ULK4: variants seen among roughly 807,000 people sequenced by gnomAD.
ULK4 encodes inactive serine/threonine-protein kinase ULK4.
Under a neutral mutation model 160.6 loss-of-function variants are expected in ULK4, and 133 were observed. That is an observed-to-expected ratio of 0.83 (90% CI 0.72 to 0.96). The LOEUF is 0.96. Ranked by LOEUF, ULK4 falls within the 40% of genes least tolerant of loss-of-function variation. The pLI is 0.00. For missense variants in ULK4, 1,580 were observed against 1,499.5 expected, an observed-to-expected ratio of 1.05 and a Z score of -0.89; for synonymous variants, 534 against 539.8, an observed-to-expected ratio of 0.99 and a Z score of 0.15.
intron 31 of ULK4, among the ~76,000 whole-genome samples, chr3:41,597,289 C>T (rs1379112774): frequency 6.6e-6 from 1 of 152,174 alleles, no homozygotes; most frequent in Non-Finnish European, 1.5e-5. Flanking sequence ...CTCCAGGAAA[C>T]AACATGGCTC....
At chr3:41,806,807 T>C (rs2040656858) in intron 19 of ULK4, among the ~76,000 whole-genome samples, 1 of 152,194 alleles carries the variant, frequency 6.6e-6, no homozygotes. Context: ...ATTTTAAATT[T>C]CTGCTCATAA....
chr3:41,327,171 T>C (rs1193329583), intron 35 of ULK4, among the ~76,000 whole-genome samples: 4 of 152,204 alleles, frequency 2.6e-5, no homozygotes, highest in Non-Finnish European at 5.9e-5. Flanking sequence ...CCCCGGCTTC[T>C]AGGAGGGGGA....
intron 32 of ULK4, among the ~76,000 whole-genome samples, chr3:41,517,399 G>C (rs1216540378): frequency 6.6e-6 from 1 of 152,120 alleles, no homozygotes; most frequent in East Asian, 1.9e-4. Context: ...CCTTATTAAA[G>C]GGCTTGAGGG....
intron 32 of ULK4, among the ~76,000 whole-genome samples, chr3:41,470,044 A>AAAAAC (rs1415943037): frequency 1.7e-5 from 2 of 116,688 alleles, no homozygotes; most frequent in African/African-American, 7.1e-5. Context: ...AAAAAAAAAA[A>AAAAAC]AACAAAGTAT....
intron 18 of ULK4, among the ~76,000 whole-genome samples, chr3:41,820,201 G>A (rs1332454025): frequency 6.6e-6 from 1 of 152,112 alleles, no homozygotes; most frequent in Non-Finnish European, 1.5e-5. Context: ...TTGTCCAAAT[G>A]ACAGAATTAG....
chr3:41,894,888 C>A (rs536122590), intron 16 of ULK4, among the ~76,000 whole-genome samples: 28 of 152,280 alleles, frequency 1.8e-4, no homozygotes, highest in African/African-American at 6.5e-4. Context: ...CCTTCTAACA[C>A]TTGATCTACT....
intron 35 of ULK4, among the ~76,000 whole-genome samples, chr3:41,268,330 T>G (rs892327542): frequency 1.3e-5 from 2 of 152,192 alleles, no homozygotes; most frequent in African/African-American, 2.4e-5. Flanking sequence ...CAAACCCTTC[T>G]TTTCCTCTCT....
chr3:41,555,058 C>T (rs1405250570), intron 32 of ULK4, among the ~76,000 whole-genome samples: 1 of 151,872 alleles, frequency 6.6e-6, no homozygotes, highest in Non-Finnish European at 1.5e-5. Flanking sequence ...AAGCATCATA[C>T]TCAATGACCA....
chr3:41,406,507 G>A (rs1163004132), intron 34 of ULK4, among the ~76,000 whole-genome samples: 1 of 152,194 alleles, frequency 6.6e-6, no homozygotes, highest in Non-Finnish European at 1.5e-5. Context: ...TGTGAAAAAT[G>A]TCGGTAGCTT....
At chr3:41,343,295 CTTTTTTTTTTT>C (rs55691966) in intron 35 of ULK4, among the ~76,000 whole-genome samples, 5 of 85,334 alleles carry the variant, frequency 5.9e-5, no homozygotes, top group South Asian at 4.2e-4. Context: ...AGCCCAAAAA[CTTTTTTTTTTT>C]TTTTTTTTTT....
chr3:41,276,350 T>C (rs1333914266), intron 35 of ULK4, among the ~76,000 whole-genome samples: 1 of 152,198 alleles, frequency 6.6e-6, no homozygotes, highest in African/African-American at 2.4e-5. Flanking sequence ...ACCTTTCACT[T>C]CAGATCTTGA....
intron 30 of ULK4, among the ~76,000 whole-genome samples, chr3:41,619,340 T>C (rs995959666): frequency 3.9e-5 from 6 of 152,116 alleles, no homozygotes; most frequent in African/African-American, 1.2e-4. Flanking sequence ...CAGTGCCACA[T>C]AGCATGTATT....
chr3:41,345,696 C>A (rs1438009011), intron 35 of ULK4, among the ~76,000 whole-genome samples: 1 of 152,060 alleles, frequency 6.6e-6, no homozygotes, highest in Non-Finnish European at 1.5e-5. Context: ...ACCTAGGTGA[C>A]AAGATGATCT....
intron 32 of ULK4, among the ~76,000 whole-genome samples, chr3:41,471,816 G>A (rs2083999032): frequency 6.6e-6 from 1 of 151,030 alleles, no homozygotes. Context: ...TGAAAATGGA[G>A]ATACAAAATT....
chr3:41,319,209 C>A (rs1233456849), intron 35 of ULK4, among the ~76,000 whole-genome samples: 2 of 152,096 alleles, frequency 1.3e-5, no homozygotes, highest in Admixed American at 6.5e-5. Context: ...GCCAGGTGCA[C>A]CTGGGCATCT....
intron 35 of ULK4, among the ~76,000 whole-genome samples, chr3:41,394,774 C>T (rs2082022271): frequency 6.6e-6 from 1 of 151,972 alleles, no homozygotes; most frequent in Non-Finnish European, 1.5e-5. Context: ...GACTGGGGCC[C>T]CTAGAATCTC....
At chr3:41,759,106 C>T (rs996139141) in intron 21 of ULK4, among the ~76,000 whole-genome samples, 6 of 152,084 alleles carry the variant, frequency 3.9e-5, no homozygotes, top group Non-Finnish European at 8.8e-5. Flanking sequence ...CAAGGTGTTT[C>T]CCCAGAAACT....
intron 29 of ULK4, among the ~76,000 whole-genome samples, chr3:41,671,296 A>G (rs1575552714): frequency 6.6e-6 from 1 of 152,166 alleles, no homozygotes; most frequent in African/African-American, 2.4e-5. Flanking sequence ...AATCCTGAGC[A>G]AAAAGAACAA....
Position 41,540,452 on chromosome 3 carries a change from G to T in ULK4, c.3226+25573C>A, listed in dbSNP as rs116952745. Reference sequence around the variant, plus strand: ...CATTCCATCACTGATGGGCATTTGGGTTGATTCTAAGTCTTTGCTATTGTG... The same window carrying T: ...CATTCCATCACTGATGGGCATTTGGTTTGATTCTAAGTCTTTGCTATTGTG... On this transcript the variant is annotated intron_variant, in intron 32 of 36. Transcript: ENST00000301831. 2.4e-3 allele frequency among the ~76,000 whole-genome samples: 361 copies of T among 152,282 alleles called. 11 individuals are homozygous for T. The East Asian group carries it at 0.062, about 26-fold the overall frequency.
Sources: allele counts gnomAD v4.1 joint callset (sites outside exome capture counted in the v4.1 genomes callset), GRCh38; gene constraint gnomAD v4.1.1; transcripts MANE v1.5; gene names NCBI Gene and HGNC (gene_info 2026-07-23, HGNC 2026-07-21).